GPM6A: variants seen among roughly 807,000 people sequenced by gnomAD.
GPM6A encodes glycoprotein M6A.
A neutral mutation model predicts 32.1 loss-of-function variants in GPM6A; 7 were observed. The observed-to-expected ratio is 0.22, with a 90% CI of 0.12 to 0.41. The LOEUF (loss-of-function observed/expected upper bound fraction) is 0.41. GPM6A is among the 10% of genes least tolerant of loss of function. The pLI, the probability that GPM6A is intolerant of heterozygous loss-of-function variation, is 1.00. For synonymous variants in GPM6A, 130 were observed against 123.4 expected (o/e 1.05, Z -0.35); for missense variants, 235 against 347.2 (o/e 0.68, Z 2.57).
At chr4:175,858,796 G>A (rs1579573034) in intron 1 of GPM6A, among the ~76,000 whole-genome samples, 2 of 152,116 alleles carry the variant, frequency 1.3e-5, no homozygotes, top group South Asian at 4.1e-4. Flanking sequence ...AGCTTTATTT[G>A]TAAGAGTTAA....
At chr4:175,956,557 C>T (rs1300465078) in intron 1 of GPM6A, among the ~76,000 whole-genome samples, 1 of 152,048 alleles carries the variant, frequency 6.6e-6, no homozygotes, top group Non-Finnish European at 1.5e-5. Flanking sequence ...CAAATGATTT[C>T]TCAGTCAAAT....
At chr4:175,692,385 T>C (rs1242643814) in intron 2 of GPM6A, among the ~76,000 whole-genome samples, 1 of 149,886 alleles carries the variant, frequency 6.7e-6, no homozygotes, top group South Asian at 2.1e-4. Context: ...TTATAATTTA[T>C]TTTTTTCTGA....
chr4:175,717,093 C>T (rs1745878651), intron 1 of GPM6A, among the ~76,000 whole-genome samples: 1 of 152,122 alleles, frequency 6.6e-6, no homozygotes, highest in Non-Finnish European at 1.5e-5. Flanking sequence ...CTCTAGGATG[C>T]TGTGTGTGAT....
intron 1 of GPM6A, among the ~76,000 whole-genome samples, chr4:175,947,966 A>G (rs937232954): frequency 7.9e-5 from 12 of 152,208 alleles, no homozygotes; most frequent in African/African-American, 2.9e-4. Flanking sequence ...TGAATGAAGG[A>G]ACAAAGCCCT....
In GPM6A at chr4:175,982,054, A is replaced by C. The variant is rs191432401; in HGVS notation, c.-23+20255T>G. Among the ~76,000 whole-genome samples, 27 of 152,234 alleles carry C rather than the reference A, an allele frequency of 1.8e-4. No individual in the cohort carries two copies. The East Asian group carries it at 3.5e-3, about 20-fold the overall frequency. The stretch of plus-strand genomic sequence containing the variant: ...TTTTATGACTATTTGCCACCTGTAT[A>C]TCTTTCTTAGTGAAGTGTCTATGTA... On this transcript the variant is annotated intron_variant, in intron 1 of 7. Transcript: ENST00000280187.
intron 1 of GPM6A, among the ~76,000 whole-genome samples, chr4:175,862,550 T>C (rs1420380916): frequency 6.6e-6 from 1 of 152,244 alleles, no homozygotes; most frequent in African/African-American, 2.4e-5. Flanking sequence ...AACATCTATA[T>C]ACTTTCTGGT....
At chr4:175,790,320 A>T (rs1461225403) in intron 1 of GPM6A, 1 of 152,188 alleles carries the variant, frequency 6.6e-6, no homozygotes, top group Non-Finnish European at 1.5e-5. Context: ...ATTTCAATAC[A>T]GTGACCCAAT....
chr4:175,806,586 A>G lies in GPM6A; in HGVS notation c.37+5605T>C, dbSNP rs548910188. Among the ~76,000 whole-genome samples, 7 of 152,370 alleles carry G rather than the reference A, an allele frequency of 4.6e-5. No individual in the cohort carries two copies. The South Asian group carries it at 1.4e-3, about 32-fold the overall frequency. The stretch of plus-strand genomic sequence containing the variant: ...TCCAAGGAAAATATAAAATGACAAA[A>G]TTCTAAAATGTTATATCTAAACCAC... On this transcript the variant is annotated intron_variant, in intron 1 of 6. Coordinates refer to ENST00000393658, the MANE Select transcript of GPM6A (RefSeq NM_201591.3).
At chr4:175,747,477 C>T (rs1417570438) in intron 1 of GPM6A, among the ~76,000 whole-genome samples, 2 of 152,020 alleles carry the variant, frequency 1.3e-5, no homozygotes, top group Non-Finnish European at 2.9e-5. Context: ...CATTCCAGCC[C>T]ATTACAATAA....
intron 4 of GPM6A, among the ~76,000 whole-genome samples, chr4:175,647,706 G>A (rs765532372): frequency 6.6e-6 from 1 of 152,118 alleles, no homozygotes; most frequent in African/African-American, 2.4e-5. Flanking sequence ...GGAAATTAAA[G>A]TATATTCTTA....
intron 1 of GPM6A, among the ~76,000 whole-genome samples, chr4:175,945,762 G>A (rs1016838036): frequency 1.0e-4 from 15 of 149,740 alleles, no homozygotes; most frequent in East Asian, 9.8e-4. Context: ...TCAGTAATAC[G>A]GGTGCATATT....
At chr4:175,815,129 G>A (rs1016958641), upstream of GPM6A, among the ~76,000 whole-genome samples, 3 of 152,078 alleles carry the variant, frequency 2.0e-5, no homozygotes, top group Non-Finnish European at 4.4e-5. Context: ...TCCTGCCTCA[G>A]CCTCCCGAGT....
intron 3 of GPM6A, among the ~76,000 whole-genome samples, chr4:175,664,200 G>T (rs965345628): frequency 2.0e-5 from 3 of 152,150 alleles, no homozygotes; most frequent in African/African-American, 4.8e-5. Flanking sequence ...AGGGAGGGAT[G>T]AATGGGTGGA....
At chr4:175,829,016 C>G (rs4690415) in intron 1 of GPM6A, among the ~76,000 whole-genome samples, 146,221 of 152,224 alleles carry the variant, frequency 0.96, 70,519 homozygotes, top group East Asian at 1. Context: ...CTCCACCTCC[C>G]CAGCTAAATC....
chr4:175,834,655 C>A (rs1033194689), intron 1 of GPM6A, among the ~76,000 whole-genome samples: 1 of 151,784 alleles, frequency 6.6e-6, no homozygotes, highest in African/African-American at 2.4e-5. Context: ...AAAAAAAAAA[C>A]AACTGTTTAT....
At chr4:175,882,023 AAG>A (rs1337892580) in intron 1 of GPM6A, among the ~76,000 whole-genome samples, 5 of 152,012 alleles carry the variant, frequency 3.3e-5, no homozygotes, top group African/African-American at 1.2e-4. Flanking sequence ...AATTTTAAAA[AAG>A]GGGAGAAATT....
chr4:175,978,333 A>G (rs1740721405), intron 1 of GPM6A, among the ~76,000 whole-genome samples: 1 of 152,206 alleles, frequency 6.6e-6, no homozygotes, highest in Non-Finnish European at 1.5e-5. Context: ...ACTAACTATC[A>G]TGAGAACAGC....
intron 1 of GPM6A, chr4:175,800,740 GA>G (rs1734440731): frequency 5.1e-6 from 1 of 194,260 alleles, no homozygotes; most frequent in Non-Finnish European, 1.2e-5. Flanking sequence ...ATTCAATACT[GA>G]AATGGTATAT....
At chr4:175,860,559 T>C (rs151021320) in intron 1 of GPM6A, among the ~76,000 whole-genome samples, 5 of 152,292 alleles carry the variant, frequency 3.3e-5, no homozygotes, top group African/African-American at 1.2e-4. Context: ...TAATTTAAAA[T>C]ATTCCAAAAG....
Sources: allele counts gnomAD v4.1 joint callset (sites outside exome capture counted in the v4.1 genomes callset), GRCh38; gene constraint gnomAD v4.1.1; transcripts MANE v1.5; gene names NCBI Gene and HGNC (gene_info 2026-07-23, HGNC 2026-07-21).